The following UBE2D3 variants were observed in gnomAD, a reference collection of about 807,000 sequenced individuals.
UBE2D3 encodes ubiquitin-conjugating enzyme E2 D3.
A neutral mutation model predicts 22.8 loss-of-function variants in UBE2D3; 2 were observed. The ratio of observed to expected loss-of-function variants is 0.09; its 90% CI spans 0.04 to 0.28. The LOEUF is 0.28. Among genes scored for constraint, UBE2D3 ranks in the 10% least tolerant of loss-of-function variants. The pLI is 1.00. For missense variants in UBE2D3, 27 were observed against 182.5 expected, an observed-to-expected ratio of 0.15 and a Z score of 4.91; for synonymous variants, 56 against 60.4, an observed-to-expected ratio of 0.93 and a Z score of 0.34.
rs200554527 is a variant in UBE2D3, at chr4:102,809,879, G to A, written c.25-24C>T. 8.9e-4 allele frequency: 1,435 copies of A among 1,608,118 alleles called. 20 individuals are homozygous for A. In the South Asian group the frequency reaches 0.012, roughly 13 times the overall value. On this transcript the variant is annotated intron_variant, in intron 2 of 7. Transcript: ENST00000453744. ...TCCTACACCAAGACAGAAAATGGGT[G>A]AGTCACATAAGCTTAATTTAAGAAA... is the stretch of plus-strand genomic sequence containing the variant.
Position 102,797,286 on chromosome 4 carries a change from T to A in UBE2D3, c.*129A>T. On this transcript the variant is annotated 3_prime_UTR_variant, in exon 8 of 8. Transcript: ENST00000453744. ...GAGCATGTGAATGAATGGAGGGAGGTAAACAAAAAATAAAATTAAAAAAGA... is the reference window on the plus strand; with the variant it reads ...GAGCATGTGAATGAATGGAGGGAGGAAAACAAAAAATAAAATTAAAAAAGA... 1 of 730,892 alleles carries A rather than the reference T, an allele frequency of 1.4e-6. No homozygotes were observed. Among genetic ancestry groups the A allele is most frequent in the Non-Finnish European group, 2.2e-6 (1 of 456,618 alleles). The allele number at this position is 730,892 out of a possible 1,614,324, so 45.3% of individuals were successfully genotyped here.
intron 7 of UBE2D3, among the ~76,000 whole-genome samples, chr4:102,798,684 C>T (rs1232466925): frequency 2.5e-4 from 38 of 150,836 alleles, no homozygotes; most frequent in Admixed American, 2.5e-3. Flanking sequence ...AAAAAAGATA[C>T]TACATAAATT....
intron 2 of UBE2D3, among the ~76,000 whole-genome samples, chr4:102,824,235 C>A (rs765300610): frequency 2.0e-5 from 3 of 152,116 alleles, no homozygotes; most frequent in Non-Finnish European, 2.9e-5. Flanking sequence ...AAAATATTTA[C>A]AAAAGGAGAC....
intron 1 of UBE2D3, among the ~76,000 whole-genome samples, chr4:102,847,504 C>T (rs1227915565): frequency 1.3e-5 from 2 of 152,070 alleles, no homozygotes; most frequent in Non-Finnish European, 2.9e-5. Flanking sequence ...TCAGGCTGGT[C>T]TTGAACTCCT....
chr4:102,844,965 T>C (rs1373926211), intron 1 of UBE2D3, among the ~76,000 whole-genome samples: 1 of 141,438 alleles, frequency 7.1e-6, no homozygotes, highest in Non-Finnish European at 1.5e-5. Context: ...GGGCTTGCAG[T>C]GAGCCGAGAT....
intron 1 of UBE2D3, among the ~76,000 whole-genome samples, chr4:102,865,578 T>C (rs367794163): frequency 6.6e-6 from 1 of 151,778 alleles, no homozygotes; most frequent in East Asian, 1.9e-4. Context: ...AGGTAATATT[T>C]TCCAGAAAAC....
chr4:102,860,878 A>G (rs1374381955), intron 1 of UBE2D3, among the ~76,000 whole-genome samples: 1 of 151,852 alleles, frequency 6.6e-6, no homozygotes, highest in African/African-American at 2.4e-5. Flanking sequence ...GGGGTTCTGC[A>G]GGTGAAGTGT....
intron 1 of UBE2D3, among the ~76,000 whole-genome samples, chr4:102,862,367 A>G (rs1732939132): frequency 6.6e-6 from 1 of 152,016 alleles, no homozygotes; most frequent in Non-Finnish European, 1.5e-5. Context: ...AGTTTCTCAT[A>G]TGATAATCAT....
chr4:102,817,818 T>C (rs1476399403), intron 2 of UBE2D3, among the ~76,000 whole-genome samples: 3 of 152,180 alleles, frequency 2.0e-5, no homozygotes, highest in Admixed American at 1.3e-4. Flanking sequence ...GCAAGACTAT[T>C]TACTGGACTG....
Position 102,797,032 on chromosome 4 carries a change from G to C in UBE2D3, c.*383C>G, listed in dbSNP as rs906053183. ...TGCTGTATCCTTTGATGTGACAACT[G>C]AGCATCCATCTCCCTCCCCCTCAGA... On this transcript the variant is annotated 3_prime_UTR_variant, in exon 8 of 8. Transcript: ENST00000453744. 5.9e-6 allele frequency: 1 copy of C among 169,240 alleles called. No individual in the cohort carries two copies. The highest frequency in any genetic ancestry group is 1.3e-5 in the Non-Finnish European group (1 of 78,326). The allele number at this position is 169,240 out of a possible 1,614,324, so 10.5% of individuals were successfully genotyped here. A position where few individuals can be genotyped will look rare whatever the true frequency, so the allele number is the denominator to read the frequency against.
rs558365780 is a variant in UBE2D3, at chr4:102,799,114, T to C, written c.398+293A>G. ...TAGTACTAACATTTTTGGAAAAACATGCTTGGGGTAAAGAAAAATTTGCTT... is the reference window on the plus strand; with the variant it reads ...TAGTACTAACATTTTTGGAAAAACACGCTTGGGGTAAAGAAAAATTTGCTT... On this transcript the variant is annotated intron_variant, in intron 7 of 7. Transcript: ENST00000453744. The C allele has an allele frequency of 8.0e-5, 79 of 984,104 alleles. No homozygotes were observed. The African/African-American group carries it at 1.2e-3, about 15-fold the overall frequency. 61.0% of individuals were successfully genotyped at this position (984,104 alleles called of 1,614,324 possible).
chr4:102,866,675 A>G (rs1228307451), intron 1 of UBE2D3, among the ~76,000 whole-genome samples: 4 of 152,232 alleles, frequency 2.6e-5, no homozygotes, highest in African/African-American at 9.6e-5. Flanking sequence ...AGTTGCTTTA[A>G]AAAAATTCTT....
At chr4:102,861,457 A>C (rs1012533281) in intron 1 of UBE2D3, among the ~76,000 whole-genome samples, 1 of 152,002 alleles carries the variant, frequency 6.6e-6, no homozygotes, top group Non-Finnish European at 1.5e-5. Context: ...GCTCAGAGGC[A>C]AAATATAAAC....
chr4:102,814,756 A>T (rs1451736124), intron 2 of UBE2D3, among the ~76,000 whole-genome samples: 1 of 152,148 alleles, frequency 6.6e-6, no homozygotes, highest in Admixed American at 6.6e-5. Context: ...TTCCTGGGCA[A>T]GGCTCTTAAT....
chr4:102,803,419 G>C (rs1435245026), intron 4 of UBE2D3, among the ~76,000 whole-genome samples: 1 of 152,090 alleles, frequency 6.6e-6, no homozygotes, highest in Non-Finnish European at 1.5e-5. Flanking sequence ...CTATTAGAAA[G>C]GCTTTGTATA....
intron 2 of UBE2D3, among the ~76,000 whole-genome samples, chr4:102,817,780 T>C (rs1728987294): frequency 6.6e-6 from 1 of 152,184 alleles, no homozygotes; most frequent in Admixed American, 6.5e-5. Flanking sequence ...TCAAGTTACA[T>C]GGCCTGAGAA....
At chr4:102,843,759 C>G (rs1031859281) in intron 1 of UBE2D3, 2 of 152,208 alleles carry the variant, frequency 1.3e-5, no homozygotes, top group East Asian at 3.8e-4. Context: ...CTGCCTACTT[C>G]TGCTCTTCAG....
intron 7 of UBE2D3, among the ~76,000 whole-genome samples, chr4:102,798,415 T>C (rs183318314): frequency 8.6e-5 from 13 of 151,650 alleles, no homozygotes; most frequent in African/African-American, 1.7e-4. Context: ...CAATTCATTG[T>C]CATCTCCTAA....
intron 1 of UBE2D3, among the ~76,000 whole-genome samples, chr4:102,866,335 G>A (rs546398491): frequency 6.6e-6 from 1 of 152,256 alleles, no homozygotes; most frequent in African/African-American, 2.4e-5. Flanking sequence ...CACATAAACT[G>A]CTAAGAGGAA....
Sources: allele counts gnomAD v4.1 joint callset (sites outside exome capture counted in the v4.1 genomes callset), GRCh38; gene constraint gnomAD v4.1.1; transcripts MANE v1.5; gene names NCBI Gene and HGNC (gene_info 2026-07-23, HGNC 2026-07-21).